The following DNAJC6 variants were observed in gnomAD, a reference collection of about 807,000 sequenced individuals.
DNAJC6 encodes auxilin.
In DNAJC6, 34 loss-of-function variants were observed where a neutral mutation model predicts 110.0. That is an observed-to-expected ratio of 0.31 (90% CI 0.24 to 0.41). The LOEUF is 0.41. Among genes scored for constraint, DNAJC6 ranks in the 10% least tolerant of loss-of-function variants. The pLI is 1.00. For missense variants in DNAJC6, 1,031 were observed against 1,207.8 expected, an observed-to-expected ratio of 0.85 and a Z score of 2.17; for synonymous variants, 406 against 437.2, an observed-to-expected ratio of 0.93 and a Z score of 0.89.
At position 65,413,347 on chromosome 1, in the gene DNAJC6, G is replaced by T. The variant is rs957160941; in HGVS notation, c.*322G>T. ...GAAAACAGAGGCCACCACCCATGAA[G>T]GCATAACACCCATCACATTGTCTGA... On this transcript the variant is annotated 3_prime_UTR_variant, in exon 19 of 19. Transcript: ENST00000371069. 1.0e-4 allele frequency: 24 copies of T among 237,378 alleles called. No homozygotes were observed. Among genetic ancestry groups the T allele is most frequent in the African/African-American group, 5.3e-4 (23 of 43,518 alleles). 14.7% of individuals were successfully genotyped at this position (237,378 alleles called of 1,614,324 possible). A position where few individuals can be genotyped will look rare whatever the true frequency, so the allele number is the denominator to read the frequency against.
At chr1:65,368,252 G>T (rs1215791759) in intron 4 of DNAJC6, among the ~76,000 whole-genome samples, 2 of 152,114 alleles carry the variant, frequency 1.3e-5, no homozygotes, top group Non-Finnish European at 1.5e-5. Flanking sequence ...TAGGTCAGAG[G>T]AGTGGAGTCA....
chr1:65,304,968 C>T (rs1435310352), upstream of DNAJC6, among the ~76,000 whole-genome samples: 1 of 152,212 alleles, frequency 6.6e-6, no homozygotes, highest in African/African-American at 2.4e-5. Context: ...TGATGTTCCC[C>T]AGTTGAAGTG....
chr1:65,317,182 G>A (rs976999280), intron 1 of DNAJC6, among the ~76,000 whole-genome samples: 1 of 152,172 alleles, frequency 6.6e-6, no homozygotes, highest in Non-Finnish European at 1.5e-5. Context: ...TTGGAAAAAA[G>A]CTATGTTTGA....
chr1:65,389,372 A>G lies in DNAJC6; in HGVS notation c.1310A>G (p.His437Arg), dbSNP rs750256177. The G allele has an allele frequency of 2.5e-6, 4 of 1,614,076 alleles. No individual in the cohort carries two copies. The Admixed American group carries it at 6.7e-5, about 27-fold the overall frequency. The change falls in exon 10 of 19, where the codon CAT (histidine) becomes CGT (arginine). Residue 437 changes from histidine to arginine, a missense_variant. Transcript: ENST00000371069. Reference sequence around the variant, plus strand: ...ATAGACTTAACTCCACCATGGGAACATTACTGCACAAAAGATGTCAATCCC... The same window carrying G: ...ATAGACTTAACTCCACCATGGGAACGTTACTGCACAAAAGATGTCAATCCC... ...KVIDLTPPWE[H>R]YCTKDVNPSI... is the part of the protein sequence containing the mutation.
intron 1 of DNAJC6, among the ~76,000 whole-genome samples, chr1:65,276,023 A>C (rs573606058): frequency 6.6e-6 from 1 of 151,796 alleles, no homozygotes; most frequent in South Asian, 2.1e-4. Context: ...CTGGGATTAC[A>C]GGCATGTACC....
chr1:65,312,126 T>A (rs1324309013), intron 1 of DNAJC6, among the ~76,000 whole-genome samples: 2 of 152,242 alleles, frequency 1.3e-5, no homozygotes, highest in African/African-American at 4.8e-5. Context: ...TCTAAAGTGC[T>A]ATTGCCAGGA....
intron 16 of DNAJC6, among the ~76,000 whole-genome samples, chr1:65,408,221 G>A (rs990715722): frequency 7.2e-5 from 11 of 152,170 alleles, no homozygotes; most frequent in African/African-American, 9.7e-5. Flanking sequence ...TGGAGAGAAA[G>A]AGCAAAGTGA....
At chr1:65,285,464 T>C (rs1653986581) in intron 1 of DNAJC6, among the ~76,000 whole-genome samples, 1 of 152,158 alleles carries the variant, frequency 6.6e-6, no homozygotes, top group African/African-American at 2.4e-5. Context: ...TTTTATGAAT[T>C]GTTGCCTGAA....
At chr1:65,354,185 G>C (rs185366838) in intron 1 of DNAJC6, among the ~76,000 whole-genome samples, 1 of 152,146 alleles carries the variant, frequency 6.6e-6, no homozygotes. Flanking sequence ...ACTGCTCTGA[G>C]TCCTAGGATG....
At chr1:65,307,538 A>T (rs1171390609), upstream of DNAJC6, among the ~76,000 whole-genome samples, 1 of 152,058 alleles carries the variant, frequency 6.6e-6, no homozygotes, top group Non-Finnish European at 1.5e-5. Flanking sequence ...TTATTTATTT[A>T]TTTTTTGAGA....
upstream of DNAJC6, chr1:65,309,431 G>A: frequency 1.7e-6 from 1 of 600,396 alleles, no homozygotes; most frequent in Non-Finnish European, 2.2e-6. Context: ...AGGAGGTGCT[G>A]GCCTGGGGCC....
At chr1:65,302,301 A>C (rs1280095491) in intron 1 of DNAJC6, among the ~76,000 whole-genome samples, 4 of 142,060 alleles carry the variant, frequency 2.8e-5, no homozygotes, top group Non-Finnish European at 6.0e-5. Context: ...AATATATATA[A>C]TATATATGTT....
intron 1 of DNAJC6, among the ~76,000 whole-genome samples, chr1:65,350,728 T>C (rs976747024): frequency 2.6e-5 from 4 of 152,248 alleles, no homozygotes; most frequent in African/African-American, 9.6e-5. Flanking sequence ...TTCCAAGGTG[T>C]AGTCCTTATT....
intron 1 of DNAJC6, 25 bp from the exon 2 acceptor site, chr1:65,364,610 G>GTTTTTTTT: frequency 3.5e-6 from 5 of 1,441,976 alleles, no homozygotes; most frequent in East Asian, 5.2e-5. Context: ...ATTTTTGTTT[G>GTTTTTTTT]TTTGTTTTTT....
At position 65,269,367 on chromosome 1, in the gene DNAJC6, C is replaced by CAAAA. The variant is rs78150700; in HGVS notation, c.-131+4448_-131+4451dup. Among the ~76,000 whole-genome samples, 4 of 100,124 alleles carry CAAAA rather than the reference C, an allele frequency of 4.0e-5. No homozygotes were observed. The East Asian group carries it at 8.7e-4, about 22-fold the overall frequency. The allele number at this position is 100,124 out of a possible 152,430, so 65.7% of individuals were successfully genotyped here. ...TGGGTGACAGAGTGAGACCCTGTCT[C>CAAAA]AAAAAAAAAAAAAAAAGTTGTCTAT... On this transcript the variant is annotated intron_variant, in intron 1 of 19. Transcript: ENST00000263441.
intron 1 of DNAJC6, among the ~76,000 whole-genome samples, chr1:65,343,741 A>AT (rs1418190950): frequency 2.6e-5 from 4 of 150,978 alleles, no homozygotes; most frequent in African/African-American, 7.3e-5. Context: ...TCCTGACTTA[A>AT]TAAAAAAAAA....
chr1:65,323,954 G>A (rs1645218634), intron 1 of DNAJC6, among the ~76,000 whole-genome samples: 1 of 152,120 alleles, frequency 6.6e-6, no homozygotes, highest in Non-Finnish European at 1.5e-5. Context: ...AATGGAATAA[G>A]GAATAGAAAA....
chr1:65,389,136 C>A lies in DNAJC6; in HGVS notation c.1194-120C>A, dbSNP rs181453149. ...GTAACTTATCTGGTTATGACTGAGT[C>A]TTTTTTAGAAATGAGACTTAGATTT... On this transcript the variant is annotated intron_variant, in intron 9 of 18. Coordinates refer to ENST00000371069, the MANE Select transcript of DNAJC6 (RefSeq NM_001256864.2). 58 of 935,768 alleles carry A rather than the reference C, an allele frequency of 6.2e-5. No individual in the cohort carries two copies. In the African/African-American group the frequency reaches 8.5e-4, roughly 14 times the overall value. 58.0% of individuals were successfully genotyped at this position (935,768 alleles called of 1,614,324 possible). A position where few individuals can be genotyped will look rare whatever the true frequency, so the allele number is the denominator to read the frequency against.
chr1:65,342,940 T>C (rs1456993045), intron 1 of DNAJC6, among the ~76,000 whole-genome samples: 3 of 152,230 alleles, frequency 2.0e-5, no homozygotes, highest in African/African-American at 7.2e-5. Context: ...TAAGCTCTTC[T>C]TGTGCATTCT....
Sources: allele counts gnomAD v4.1 joint callset (sites outside exome capture counted in the v4.1 genomes callset), GRCh38; gene constraint gnomAD v4.1.1; transcripts MANE v1.5; gene names NCBI Gene and HGNC (gene_info 2026-07-23, HGNC 2026-07-21).